The following DOCK3 variants were observed in gnomAD, a reference collection of about 807,000 sequenced individuals.
The protein encoded by DOCK3 is dedicator of cytokinesis protein 3.
Under a neutral mutation model 265.6 loss-of-function variants are expected in DOCK3, and 60 were observed. The observed-to-expected ratio is 0.23, with a 90% CI of 0.18 to 0.28. The LOEUF (loss-of-function observed/expected upper bound fraction) is 0.28, where lower values mean the gene tolerates loss of function less well. DOCK3 is among the 10% of genes least tolerant of loss of function. DOCK3 has a pLI of 1.00. For missense variants in DOCK3, 1,981 were observed against 2,594.3 expected, an observed-to-expected ratio of 0.76 and a Z score of 5.14; for synonymous variants, 881 against 938.0, an observed-to-expected ratio of 0.94 and a Z score of 1.11.
intron 3 of DOCK3, chr3:50,877,501 A>G (rs1423477745): frequency 5.8e-6 from 3 of 520,040 alleles, no homozygotes; most frequent in Admixed American, 3.9e-5. Context: ...TCAGTCTCGA[A>G]TGGCAGTGTT....
At chr3:50,970,798 C>T (rs1200565051) in intron 5 of DOCK3, among the ~76,000 whole-genome samples, 1 of 140,810 alleles carries the variant, frequency 7.1e-6, no homozygotes, top group African/African-American at 2.6e-5. Context: ...GCAAAAATAG[C>T]TCACTGCAGC....
intron 23 of DOCK3, among the ~76,000 whole-genome samples, chr3:51,265,542 C>T (rs1462729884): frequency 6.6e-6 from 1 of 152,200 alleles, no homozygotes; most frequent in Non-Finnish European, 1.5e-5. Context: ...AAGGCTGGTT[C>T]AACCTACACA....
intron 1 of DOCK3, among the ~76,000 whole-genome samples, chr3:50,726,881 T>C (rs181985782): frequency 1.3e-5 from 2 of 152,236 alleles, no homozygotes; most frequent in African/African-American, 4.8e-5. Flanking sequence ...AGAAACAAAA[T>C]GTGTAGCCTA....
At chr3:50,728,726 G>T (rs558633378) in intron 1 of DOCK3, among the ~76,000 whole-genome samples, 3,758 of 42,508 alleles carry the variant, frequency 0.088, 180 homozygotes, top group African/African-American at 0.3. Context: ...TAAATAAATA[G>T]AATTTTTTTT....
intron 43 of DOCK3, 21 bp from the exon 44 acceptor site, chr3:51,356,941 C>CT: frequency 6.2e-7 from 1 of 1,602,412 alleles, no homozygotes. Flanking sequence ...TGGGATGACT[C>CT]TGTGTGCTGT....
chr3:50,917,281 A>G (rs1055675177), intron 4 of DOCK3, among the ~76,000 whole-genome samples: 3 of 152,100 alleles, frequency 2.0e-5, no homozygotes, highest in Non-Finnish European at 2.9e-5. Flanking sequence ...ATAAAACTTG[A>G]CTTTTAAAAT....
intron 12 of DOCK3, among the ~76,000 whole-genome samples, chr3:51,185,210 G>A (rs1331949545): frequency 6.6e-6 from 1 of 152,078 alleles, no homozygotes; most frequent in Non-Finnish European, 1.5e-5. Context: ...TTAACTAATA[G>A]TAAATTATCA....
chr3:51,098,258 T>C (rs1383278628), intron 9 of DOCK3, among the ~76,000 whole-genome samples: 1 of 152,202 alleles, frequency 6.6e-6, no homozygotes, highest in Admixed American at 6.5e-5. Context: ...GGTTTCACCA[T>C]GTTTGCCAGG....
chr3:50,969,945 G>A (rs922164978), intron 5 of DOCK3, among the ~76,000 whole-genome samples: 3 of 152,098 alleles, frequency 2.0e-5, no homozygotes, highest in Non-Finnish European at 4.4e-5. Context: ...GGTGGCGGGC[G>A]CCTGTAGTCC....
intron 5 of DOCK3, among the ~76,000 whole-genome samples, chr3:51,019,406 G>T (rs765820062): frequency 2.0e-5 from 3 of 151,856 alleles, no homozygotes; most frequent in Non-Finnish European, 4.4e-5. Flanking sequence ...GACTGTATAT[G>T]TGTGGGTCTC....
At chr3:51,072,046 A>G (rs1342841621) in intron 6 of DOCK3, among the ~76,000 whole-genome samples, 1 of 152,234 alleles carries the variant, frequency 6.6e-6, no homozygotes, top group Non-Finnish European at 1.5e-5. Flanking sequence ...AAACTAAAAG[A>G]TACTGTGCTC....
At chr3:50,939,959 A>G (rs2076239018) in intron 5 of DOCK3, among the ~76,000 whole-genome samples, 1 of 152,180 alleles carries the variant, frequency 6.6e-6, no homozygotes, top group Non-Finnish European at 1.5e-5. Flanking sequence ...GGAGATCTCA[A>G]GGAATCAACA....
intron 9 of DOCK3, among the ~76,000 whole-genome samples, chr3:51,109,914 CAG>C (rs2083440972): frequency 6.6e-6 from 1 of 151,640 alleles, no homozygotes; most frequent in Non-Finnish European, 1.5e-5. Context: ...GCCTGGGTAA[CAG>C]AGTGAACTCT....
At chr3:50,798,174 CAA>C (rs1176074516) in intron 2 of DOCK3, among the ~76,000 whole-genome samples, 2 of 152,080 alleles carry the variant, frequency 1.3e-5, no homozygotes, top group Non-Finnish European at 2.9e-5. Flanking sequence ...ATTTAGTTAA[CAA>C]TGCTGGAAAA....
chr3:50,729,382 A>G (rs200404996), intron 1 of DOCK3, among the ~76,000 whole-genome samples: 4 of 54,410 alleles, frequency 7.4e-5, no homozygotes, highest in Admixed American at 1.8e-4. Flanking sequence ...ATTTATTTTT[A>G]TTTATTTATT....
intron 9 of DOCK3, among the ~76,000 whole-genome samples, chr3:51,138,988 C>T (rs1478576168): frequency 1.3e-5 from 2 of 152,100 alleles, no homozygotes; most frequent in Non-Finnish European, 1.5e-5. Flanking sequence ...TTTATAACAG[C>T]CCTAGGTGGG....
intron 2 of DOCK3, among the ~76,000 whole-genome samples, chr3:50,837,784 T>G (rs1431406602): frequency 6.6e-6 from 1 of 152,092 alleles, no homozygotes. Context: ...GGAAGGGGTT[T>G]GGGGAGGGGA....
intron 2 of DOCK3, among the ~76,000 whole-genome samples, chr3:50,792,829 C>T (rs1008874796): frequency 1.3e-5 from 2 of 152,164 alleles, no homozygotes; most frequent in Non-Finnish European, 2.9e-5. Flanking sequence ...ATTTGGTTTG[C>T]GAATATTTCA....
chr3:51,220,366 A>G (rs934586947), intron 14 of DOCK3, among the ~76,000 whole-genome samples: 5 of 152,030 alleles, frequency 3.3e-5, no homozygotes, highest in Non-Finnish European at 5.9e-5. Context: ...ATAGTATTAA[A>G]TATTATTGGG....
Sources: allele counts gnomAD v4.1 joint callset (sites outside exome capture counted in the v4.1 genomes callset), GRCh38; gene constraint gnomAD v4.1.1; transcripts MANE v1.5; gene names NCBI Gene and HGNC (gene_info 2026-07-23, HGNC 2026-07-21).